The following SFMBT2 variants were observed in gnomAD, a reference collection of about 807,000 sequenced individuals.
SFMBT2 encodes scm-like with four MBT domains protein 2.
A neutral mutation model predicts 110.1 loss-of-function variants in SFMBT2; 38 were observed. That is an observed-to-expected ratio of 0.35 (90% CI 0.27 to 0.45). SFMBT2 has a LOEUF of 0.45. Among genes scored for constraint, SFMBT2 ranks in the 20% least tolerant of loss-of-function variants. The pLI is 1.00. For synonymous variants in SFMBT2, 425 were observed against 425.4 expected, an observed-to-expected ratio of 1.00 and a Z score of 0.01; for missense variants, 1,011 against 1,094.9, an observed-to-expected ratio of 0.92 and a Z score of 1.08.
chr10:7,307,077 T>A (rs745691635), intron 4 of SFMBT2, among the ~76,000 whole-genome samples: 1 of 152,156 alleles, frequency 6.6e-6, no homozygotes, highest in Non-Finnish European at 1.5e-5. Flanking sequence ...AAAATATAAA[T>A]TTTAAAAGAT....
At chr10:7,223,755 C>T (rs1050319282) in intron 10 of SFMBT2, among the ~76,000 whole-genome samples, 1 of 152,154 alleles carries the variant, frequency 6.6e-6, no homozygotes, top group Non-Finnish European at 1.5e-5. Context: ...AGTTCTTAAA[C>T]TTTAGGATCA....
At position 7,404,435 on chromosome 10, in the gene SFMBT2, T is replaced by C. The variant is rs114253839; in HGVS notation, c.-52+6426A>G. ...TATCTGTTTATAAGACATCTTTTTC[T>C]TGGCCAATAAAACTACAGGGAAAAA... On this transcript the variant is annotated intron_variant, in intron 1 of 20. Transcript: ENST00000397167. 4.7e-3 allele frequency among the ~76,000 whole-genome samples: 713 copies of C among 152,350 alleles called. 3 individuals carry two copies. The highest frequency in any genetic ancestry group is 0.014 in the African/African-American group (593 of 41,576).
In SFMBT2 at chr10:7,253,519, T is replaced by C. The variant is rs73615433; in HGVS notation, c.871-4870A>G. 3.7e-3 allele frequency among the ~76,000 whole-genome samples: 565 copies of C among 152,310 alleles called. 2 individuals carry two copies. Among genetic ancestry groups the C allele is most frequent in the African/African-American group, 0.013 (526 of 41,566 alleles). ...CATGTGATGTTAGAAGTGTTGTGGG[T>C]AAAAACAGTTCGTAAGTTATAGTCA... On this transcript the variant is annotated intron_variant, in intron 7 of 20. Coordinates refer to ENST00000397167, the MANE Select transcript of SFMBT2 (RefSeq NM_001387889.1).
At chr10:7,368,559 C>G (rs1381475785) in intron 3 of SFMBT2, among the ~76,000 whole-genome samples, 1 of 152,234 alleles carries the variant, frequency 6.6e-6, no homozygotes, top group Admixed American at 6.5e-5. Context: ...CTGGGGACTT[C>G]TGCAGCCTGA....
intron 15 of SFMBT2, among the ~76,000 whole-genome samples, chr10:7,191,539 T>C (rs1300121031): frequency 1.3e-5 from 2 of 152,240 alleles, no homozygotes; most frequent in Non-Finnish European, 2.9e-5. Context: ...TCCCTCCCCA[T>C]CCGGGTCTTT....
intron 4 of SFMBT2, 92 bp from the exon 5 acceptor site, chr10:7,286,046 A>T: frequency 1.4e-6 from 1 of 711,662 alleles, no homozygotes; most frequent in Non-Finnish European, 2.6e-6. Flanking sequence ...AAATCACAGC[A>T]GTTTTCTCCA....
intron 9 of SFMBT2, among the ~76,000 whole-genome samples, chr10:7,241,674 T>C (rs1476651756): frequency 6.6e-6 from 1 of 152,220 alleles, no homozygotes; most frequent in Non-Finnish European, 1.5e-5. Flanking sequence ...GTTGCATTAA[T>C]GTAAAACAAT....
chr10:7,278,386 G>C (rs1588411937), intron 6 of SFMBT2, among the ~76,000 whole-genome samples: 1 of 152,168 alleles, frequency 6.6e-6, no homozygotes, highest in African/African-American at 2.4e-5. Context: ...GAGCGAGAGG[G>C]ATACCTGTGC....
chr10:7,340,676 A>AAG (rs1843868779), intron 4 of SFMBT2, among the ~76,000 whole-genome samples: 1 of 150,704 alleles, frequency 6.6e-6, no homozygotes, highest in African/African-American at 2.4e-5. Context: ...AAAAAAAAAA[A>AAG]TACTGCAAAA....
At chr10:7,264,913 A>G (rs1465192567) in intron 7 of SFMBT2, among the ~76,000 whole-genome samples, 1 of 150,874 alleles carries the variant, frequency 6.6e-6, no homozygotes, top group Non-Finnish European at 1.5e-5. Context: ...AACAATCTGA[A>G]AAGACGGACA....
At chr10:7,325,063 G>C (rs908335213) in intron 4 of SFMBT2, among the ~76,000 whole-genome samples, 1 of 149,366 alleles carries the variant, frequency 6.7e-6, no homozygotes, top group Non-Finnish European at 1.5e-5. Flanking sequence ...CACCTCCCAG[G>C]TTCATGCCAT....
chr10:7,168,102 G>A (rs77758512), intron 20 of SFMBT2, among the ~76,000 whole-genome samples: 6,541 of 152,170 alleles, frequency 0.043, 203 homozygotes, highest in Non-Finnish European at 0.065. Context: ...TTCTACAAGG[G>A]GGACAGTGTC....
At chr10:7,300,520 C>T (rs1842528557) in intron 4 of SFMBT2, among the ~76,000 whole-genome samples, 1 of 152,210 alleles carries the variant, frequency 6.6e-6, no homozygotes, top group African/African-American at 2.4e-5. Context: ...CACACTGCCC[C>T]CTTCACACAT....
chr10:7,373,007 C>G (rs908202357), intron 2 of SFMBT2, among the ~76,000 whole-genome samples: 2 of 152,190 alleles, frequency 1.3e-5, no homozygotes, highest in African/African-American at 4.8e-5. Context: ...ACAAGGCTTG[C>G]TATGATTTGA....
intron 4 of SFMBT2, among the ~76,000 whole-genome samples, chr10:7,302,158 A>G (rs1842572490): frequency 6.6e-6 from 1 of 152,104 alleles, no homozygotes; most frequent in Non-Finnish European, 1.5e-5. Flanking sequence ...ATTCCAACCT[A>G]AATCTTCGTG....
rs1003600626 is a variant in SFMBT2 at position 7,293,208 on chromosome 10, C to G, written c.437-7254G>C. ...GGATTACAGGCACCCACCACCATCT[C>G]CAGCCTCAGCTTCCCGAGTAGCTGG... On this transcript the variant is annotated intron_variant, in intron 4 of 20. Transcript: ENST00000397167. The surrounding 1 kb of genome is among the most constrained non-coding windows in gnomAD (Gnocchi z 4.6). Among the ~76,000 whole-genome samples, 1 of 152,050 alleles carries G rather than the reference C, an allele frequency of 6.6e-6. No homozygotes were observed. Among genetic ancestry groups the G allele is most frequent in the Admixed American group, 6.5e-5 (1 of 15,276 alleles).
At chr10:7,325,657 G>T (rs961263716) in intron 4 of SFMBT2, among the ~76,000 whole-genome samples, 2 of 152,220 alleles carry the variant, frequency 1.3e-5, no homozygotes, top group Non-Finnish European at 2.9e-5. Flanking sequence ...AGTAGGTACA[G>T]GCTCAGGTAC....
At chr10:7,357,492 C>T (rs185910304) in intron 4 of SFMBT2, among the ~76,000 whole-genome samples, 113 of 152,276 alleles carry the variant, frequency 7.4e-4, no homozygotes, top group Non-Finnish European at 1.8e-4. Flanking sequence ...CACTGGCTCC[C>T]CCTGCTTCAG....
intron 13 of SFMBT2, among the ~76,000 whole-genome samples, chr10:7,201,313 T>TG (rs1838947185): frequency 6.6e-6 from 1 of 152,228 alleles, no homozygotes; most frequent in Non-Finnish European, 1.5e-5. Flanking sequence ...ATTTTGAGGA[T>TG]GGGGCCCAGC....
Sources: gnomAD v4.1 joint callset for allele counts (sites outside exome capture counted in the v4.1 genomes callset) on GRCh38, gnomAD v4.1.1 for gene constraint, Gnocchi (gnomAD v3.1) non-coding constraint, MANE v1.5 for transcripts, NCBI Gene and HGNC (gene_info 2026-07-23, HGNC 2026-07-21) for gene names.